DNAH7: variants seen among roughly 807,000 people sequenced by gnomAD.
DNAH7 encodes dynein axonemal heavy chain 7, also known as axonemal beta dynein heavy chain 7.
DNAH7 carries 397 observed loss-of-function variants against 444.6 expected under a neutral mutation model. The ratio of observed to expected loss-of-function variants is 0.89; its 90% CI spans 0.82 to 0.97. DNAH7 has a LOEUF of 0.97. Among genes scored for constraint, DNAH7 ranks in the 50% least tolerant of loss-of-function variants. The probability of loss-of-function intolerance (pLI) is 0.00; values close to 1 mark genes in which losing one functional copy is unlikely to be tolerated. For synonymous variants in DNAH7, 1,636 were observed against 1,624.4 expected (o/e 1.01, Z -0.17); for missense variants, 4,902 against 4,800.8 (o/e 1.02, Z -0.62).
At chr2:196,029,681 C>A (rs943854545) in intron 5 of DNAH7, among the ~76,000 whole-genome samples, 6 of 152,086 alleles carry the variant, frequency 3.9e-5, no homozygotes, top group Non-Finnish European at 7.4e-5. Flanking sequence ...GTTTAAATAA[C>A]CTCCCCTTGG....
chr2:195,923,931 C>T (rs1688179430), intron 22 of DNAH7, 124 bp from the exon 23 acceptor site: 3 of 921,634 alleles, frequency 3.3e-6, no homozygotes, highest in Non-Finnish European at 4.9e-6. Flanking sequence ...CCATGTAATA[C>T]AATTTAAAAA....
At chr2:195,949,601 T>C (rs999504775) in intron 19 of DNAH7, among the ~76,000 whole-genome samples, 3 of 152,146 alleles carry the variant, frequency 2.0e-5, no homozygotes, top group Non-Finnish European at 4.4e-5. Flanking sequence ...TATTTCTTTA[T>C]CCTGCCTGAT....
intron 12 of DNAH7, chr2:195,994,391 T>C (rs1693555611): frequency 2.2e-5 from 16 of 720,146 alleles, no homozygotes; most frequent in South Asian, 2.2e-4. Flanking sequence ...ATGGTCCTTC[T>C]AGGTTAGAAG....
At position 195,737,969 on chromosome 2, in the gene DNAH7, TTCCTTGGGTTGG is replaced by T. The variant is rs758824171; in HGVS notation, c.12015_12026del (p.Asp4005_Lys4008del). ...GTGCTACACCTCGTCCAATCCAGTG[TTCCTTGGGTTGG>T]TCAGAGGGAAGAGTCATGGCAATCA... On this transcript the variant is annotated inframe_deletion, in exon 65 of 65. Coordinates refer to ENST00000312428, the MANE Select transcript of DNAH7 (RefSeq NM_018897.3). 3.1e-5 allele frequency: 50 copies of T among 1,614,002 alleles called. No homozygotes were observed. The highest frequency in any genetic ancestry group is 4.2e-5 in the Non-Finnish European group (49 of 1,179,956).
At chr2:195,980,982 A>G (rs1290113336) in intron 15 of DNAH7, among the ~76,000 whole-genome samples, 1 of 152,178 alleles carries the variant, frequency 6.6e-6, no homozygotes, top group Non-Finnish European at 1.5e-5. Flanking sequence ...ACATAGTACT[A>G]GAAGTCCTAG....
chr2:196,047,057 G>GA (rs147166462), intron 5 of DNAH7, among the ~76,000 whole-genome samples: 8,457 of 151,706 alleles, frequency 0.056, 373 homozygotes, highest in African/African-American at 0.13. Context: ...TGAGATTGGG[G>GA]AAAAAAAACC....
intron 17 of DNAH7, among the ~76,000 whole-genome samples, chr2:195,966,810 C>A (rs761042392): frequency 6.6e-6 from 1 of 151,962 alleles, no homozygotes; most frequent in African/African-American, 2.4e-5. Context: ...TTTTTTCAAC[C>A]TTTTATTTTC....
chr2:195,985,359 C>A (rs1692836511), intron 14 of DNAH7, among the ~76,000 whole-genome samples: 1 of 152,108 alleles, frequency 6.6e-6, no homozygotes, highest in South Asian at 2.1e-4. Context: ...GGGCCTCCAA[C>A]ATGTTTGTAA....
chr2:195,789,713 C>G (rs960972134), intron 57 of DNAH7, among the ~76,000 whole-genome samples: 10 of 151,692 alleles, frequency 6.6e-5, no homozygotes, highest in African/African-American at 2.4e-4. Flanking sequence ...ACAACATCAC[C>G]TATGGAATAT....
chr2:196,022,400 C>A (rs1241649898), intron 8 of DNAH7, among the ~76,000 whole-genome samples: 1 of 152,216 alleles, frequency 6.6e-6, no homozygotes, highest in Non-Finnish European at 1.5e-5. Context: ...AAATTGGAAT[C>A]AATCCTCTTG....
At chr2:196,032,067 T>A (rs1696092502) in intron 5 of DNAH7, among the ~76,000 whole-genome samples, 1 of 152,160 alleles carries the variant, frequency 6.6e-6, no homozygotes. Context: ...GAACTTACAG[T>A]TCCACGTGGT....
chr2:196,007,895 C>A (rs1270558921), intron 10 of DNAH7, among the ~76,000 whole-genome samples: 1 of 151,950 alleles, frequency 6.6e-6, no homozygotes, highest in Non-Finnish European at 1.5e-5. Flanking sequence ...AACACAGATA[C>A]CAAAAGGCAC....
At chr2:196,050,281 C>A (rs1238500177) in intron 3 of DNAH7, among the ~76,000 whole-genome samples, 1 of 151,948 alleles carries the variant, frequency 6.6e-6, no homozygotes, top group Admixed American at 6.6e-5. Context: ...ATATGAAATA[C>A]CTAGAGTAGT....
At position 195,957,451 on chromosome 2, in the gene DNAH7, A is replaced by G; in HGVS notation, c.2892-4T>C. 1 of 1,530,072 alleles carries G rather than the reference A, an allele frequency of 6.5e-7. No homozygotes were observed. Among genetic ancestry groups the G allele is most frequent in the Non-Finnish European group, 8.9e-7 (1 of 1,126,856 alleles). The allele number at this position is 1,530,072 out of a possible 1,614,324, so 94.8% of individuals were successfully genotyped here. A position where few individuals can be genotyped will look rare whatever the true frequency, so the allele number is the denominator to read the frequency against. On this transcript the variant is annotated splice_region_variant and splice_polypyrimidine_tract_variant and intron_variant, in intron 18 of 64. Transcript: ENST00000312428. ...TAGGAGCTTGCCCTCCCATTCTCTG[A>G]GGAGCAAAACACAGTGGCTCTTACT... is the stretch of plus-strand genomic sequence containing the variant.
intron 63 of DNAH7, among the ~76,000 whole-genome samples, chr2:195,743,796 G>A (rs895726889): frequency 1.3e-4 from 7 of 55,186 alleles, no homozygotes; most frequent in South Asian, 1.9e-3. Context: ...TTGGTGAAAC[G>A]TATATTGTGC....
At chr2:195,826,276 T>C (rs999594511) in intron 48 of DNAH7, among the ~76,000 whole-genome samples, 1 of 152,234 alleles carries the variant, frequency 6.6e-6, no homozygotes, top group Non-Finnish European at 1.5e-5. Flanking sequence ...AGCACTCATT[T>C]TGTCATTTGT....
chr2:195,871,930 C>CAAA lies in DNAH7; in HGVS notation c.6633+317_6633+319dup, dbSNP rs553845281. On this transcript the variant is annotated intron_variant, in intron 40 of 64. Transcript: ENST00000312428. ...TGGGCGACAGAGCGAGACTCCGTCT[C>CAAA]AAAAAAAAAAAAAAAAAAAAAAAAA... is the stretch of plus-strand genomic sequence containing the variant. 6.0e-3 allele frequency among the ~76,000 whole-genome samples: 148 copies of CAAA among 24,800 alleles called. 67 individuals are homozygous for CAAA. Among genetic ancestry groups the CAAA allele is most frequent in the South Asian group, 0.023 (5 of 220 alleles). 16.3% of individuals were successfully genotyped at this position (24,800 alleles called of 152,430 possible). A position where few individuals can be genotyped will look rare whatever the true frequency, so the allele number is the denominator to read the frequency against.
chr2:195,964,275 G>T (rs1259452133), intron 17 of DNAH7, among the ~76,000 whole-genome samples: 1 of 152,134 alleles, frequency 6.6e-6, no homozygotes, highest in African/African-American at 2.4e-5. Context: ...TCAAATCCAT[G>T]AACATGGAAT....
intron 35 of DNAH7, among the ~76,000 whole-genome samples, chr2:195,883,925 G>C (rs1701565979): frequency 6.6e-6 from 1 of 152,064 alleles, no homozygotes; most frequent in Non-Finnish European, 1.5e-5. Flanking sequence ...AATGTCCAAG[G>C]GTAGGAAATT....
Sources: allele counts gnomAD v4.1 joint callset (sites outside exome capture counted in the v4.1 genomes callset), GRCh38; gene constraint gnomAD v4.1.1; transcripts MANE v1.5; gene names NCBI Gene and HGNC (gene_info 2026-07-23, HGNC 2026-07-21).